Variants in SLCO6A1 observed in about 807,000 individuals in gnomAD.
SLCO6A1 encodes the protein cancer/testis antigen 48.
SLCO6A1 carries 65 observed loss-of-function variants against 72.7 expected under a neutral mutation model. The ratio of observed to expected loss-of-function variants is 0.89; its 90% CI spans 0.73 to 1.10. SLCO6A1 has a LOEUF of 1.10. SLCO6A1 is among the 50% of genes least tolerant of loss of function. The pLI is 0.00. For synonymous variants in SLCO6A1, 314 were observed against 298.2 expected (o/e 1.05, Z -0.55); for missense variants, 874 against 872.6 (o/e 1.00, Z -0.02).
intron 6 of SLCO6A1, among the ~76,000 whole-genome samples, chr5:102,454,121 T>A (rs1254536430): frequency 6.6e-6 from 1 of 152,234 alleles, no homozygotes; most frequent in East Asian, 1.9e-4. Flanking sequence ...GTAGCTACGA[T>A]GCTGGCCTTT....
At chr5:102,412,411 A>C (rs1403675320) in intron 9 of SLCO6A1, among the ~76,000 whole-genome samples, 1 of 152,108 alleles carries the variant, frequency 6.6e-6, no homozygotes, top group Non-Finnish European at 1.5e-5. Context: ...TTAATGTAGG[A>C]ATATCTCTTT....
At chr5:102,495,445 T>A (rs181844377) in intron 1 of SLCO6A1, among the ~76,000 whole-genome samples, 27,450 of 151,712 alleles carry the variant, frequency 0.18, 4,551 homozygotes, top group African/African-American at 0.44. Flanking sequence ...AATACAAAAA[T>A]TTAGCCTGGC....
rs2112761332 is a variant in SLCO6A1, at chr5:102,459,757, C to G, written c.920G>C (p.Ser307Thr). The G allele has an allele frequency of 6.3e-7, 1 of 1,588,756 alleles. No individual in the cohort carries two copies. The highest frequency in any genetic ancestry group is 2.3e-5 in the East Asian group (1 of 43,928). Reference sequence around the variant, plus strand: ...CCACCAAGTCCATAGCCATTCTGGACTACCATTATTGACTGTAGTGCTTTA... The same window carrying G: ...CCACCAAGTCCATAGCCATTCTGGAGTACCATTATTGACTGTAGTGCTTTA... ...SATNTTVNNGSPEWLWTWWIN... is the reference protein window; with the variant it reads ...SATNTTVNNGTPEWLWTWWIN... The change falls in exon 5 of 14, where the codon AGT becomes ACT. Residue 307 changes from serine (S) to threonine (T), a missense_variant. Physicochemically the swap from Ser to Thr is moderately conservative, Grantham distance 58. Coordinates refer to ENST00000506729, the MANE Select transcript of SLCO6A1 (RefSeq NM_173488.5).
chr5:102,488,139 AAAGT>A (rs1402559217), intron 1 of SLCO6A1, among the ~76,000 whole-genome samples: 3 of 152,224 alleles, frequency 2.0e-5, no homozygotes, highest in Non-Finnish European at 2.9e-5. Context: ...TTAATTAAAC[AAAGT>A]AAGGGAAAAT....
chr5:102,465,395 C>A (rs1751261290), intron 4 of SLCO6A1, among the ~76,000 whole-genome samples: 1 of 151,978 alleles, frequency 6.6e-6, no homozygotes, highest in South Asian at 2.1e-4. Context: ...GTCCTAGTTG[C>A]CCCAAGCAGT....
intron 6 of SLCO6A1, among the ~76,000 whole-genome samples, chr5:102,456,936 G>C (rs531989338): frequency 1.3e-5 from 2 of 152,064 alleles, no homozygotes; most frequent in Non-Finnish European, 2.9e-5. Context: ...AGAGCCCTCA[G>C]AAATAATGCC....
chr5:102,476,679 T>C (rs1422471292), intron 3 of SLCO6A1, among the ~76,000 whole-genome samples: 3 of 152,032 alleles, frequency 2.0e-5, no homozygotes, highest in African/African-American at 7.2e-5. Context: ...ATTTAATCTA[T>C]ATATTTAATG....
chr5:102,446,877 C>T (rs1256675711), intron 6 of SLCO6A1, among the ~76,000 whole-genome samples: 3 of 152,136 alleles, frequency 2.0e-5, no homozygotes, highest in Non-Finnish European at 4.4e-5. Context: ...GCCTCAGCCT[C>T]CCAAGTGGCT....
chr5:102,433,702 T>A (rs1749345162), intron 7 of SLCO6A1, among the ~76,000 whole-genome samples: 1 of 152,070 alleles, frequency 6.6e-6, no homozygotes. Context: ...CAAAGCACTT[T>A]GTAGGGCAGT....
At chr5:102,463,321 G>A (rs978730681) in intron 4 of SLCO6A1, among the ~76,000 whole-genome samples, 3 of 152,134 alleles carry the variant, frequency 2.0e-5, no homozygotes, top group Admixed American at 6.6e-5. Context: ...CACTGCTGGT[G>A]GAAATGTAAA....
intron 10 of SLCO6A1, among the ~76,000 whole-genome samples, chr5:102,393,095 T>C (rs1746860232): frequency 6.6e-6 from 1 of 152,126 alleles, no homozygotes; most frequent in Admixed American, 6.6e-5. Flanking sequence ...TTATCTCTAA[T>C]ACCACTGCCC....
intron 9 of SLCO6A1, among the ~76,000 whole-genome samples, chr5:102,404,234 G>A (rs1005520677): frequency 1.1e-4 from 17 of 152,284 alleles, no homozygotes; most frequent in African/African-American, 4.8e-5. Flanking sequence ...GGTGGCTCAC[G>A]CCTGTAATCC....
intron 6 of SLCO6A1, among the ~76,000 whole-genome samples, chr5:102,442,030 C>A (rs1749861891): frequency 6.6e-6 from 1 of 151,996 alleles, no homozygotes; most frequent in South Asian, 2.1e-4. Context: ...ATATTAAGCA[C>A]ATTTACCCTA....
chr5:102,402,810 C>A (rs562029167), intron 9 of SLCO6A1, among the ~76,000 whole-genome samples: 1 of 152,248 alleles, frequency 6.6e-6, no homozygotes, highest in East Asian at 1.9e-4. Flanking sequence ...ATTTCAATGA[C>A]TTTTTCCTCA....
At chr5:102,394,266 A>G (rs1746939466) in intron 10 of SLCO6A1, among the ~76,000 whole-genome samples, 1 of 152,140 alleles carries the variant, frequency 6.6e-6, no homozygotes, top group Non-Finnish European at 1.5e-5. Flanking sequence ...ATTATCACTT[A>G]TTTAACAATA....
At chr5:102,412,921 AAATAAT>A in intron 9 of SLCO6A1, 63 bp downstream of exon 9, 3 of 704,800 alleles carry the variant, frequency 4.3e-6, no homozygotes. Flanking sequence ...AGAAGCATAA[AAATAAT>A]AATTATAATA....
chr5:102,427,864 A>ATTTTTTTTTTTT (rs1200200259), intron 7 of SLCO6A1, among the ~76,000 whole-genome samples: 3 of 76,264 alleles, frequency 3.9e-5, no homozygotes, highest in East Asian at 3.3e-4. Flanking sequence ...ATATATATAT[A>ATTTTTTTTTTTT]TTTTTTTTTT....
At position 102,399,593 on chromosome 5, in the gene SLCO6A1, A is replaced by G. The variant is rs1747286259; in HGVS notation, c.1776T>C (p.Ser592=). Residue 592 remains serine, a synonymous_variant, in exon 10 of 14, where the codon TCT becomes TCC. Coordinates refer to ENST00000506729, the MANE Select transcript of SLCO6A1 (RefSeq NM_173488.5). ...AGACGATTGGTACACCAGAAAAACCAGAAAATATAAGTGTAGAAAAGATAA... is the reference window on the plus strand; with the variant it reads ...AGACGATTGGTACACCAGAAAAACCGGAAAATATAAGTGTAGAAAAGATAA... ...IAFIFSTLIF[S]GFSGVPIVLA... 5.7e-6 allele frequency: 9 copies of G among 1,586,126 alleles called. No individual in the cohort carries two copies. Among genetic ancestry groups the G allele is most frequent in the Non-Finnish European group, 7.7e-6 (9 of 1,163,592 alleles).
At chr5:102,412,732 G>T (rs2112587649) in intron 9 of SLCO6A1, among the ~76,000 whole-genome samples, 1 of 151,536 alleles carries the variant, frequency 6.6e-6, no homozygotes, top group East Asian at 1.9e-4. Context: ...CTGCACTCCA[G>T]CCTGGGTGAC....
Sources: allele counts gnomAD v4.1 joint callset (sites outside exome capture counted in the v4.1 genomes callset), GRCh38; gene constraint gnomAD v4.1.1; transcripts MANE v1.5; gene names NCBI Gene and HGNC (gene_info 2026-07-23, HGNC 2026-07-21).